The following SEMA3C variants were observed in gnomAD, a reference collection of about 807,000 sequenced individuals.
SEMA3C encodes semaphorin 3C, also known as semaphorin-3C.
Under a neutral mutation model 89.4 loss-of-function variants are expected in SEMA3C, and 47 were observed. The ratio of observed to expected loss-of-function variants is 0.53; its 90% CI spans 0.42 to 0.67. The LOEUF (loss-of-function observed/expected upper bound fraction) is 0.67. Among genes scored for constraint, SEMA3C ranks in the 30% least tolerant of loss-of-function variants. The pLI is 0.00. For missense variants in SEMA3C, 839 were observed against 929.1 expected (o/e 0.90, Z 1.26); for synonymous variants, 310 against 320.2 (o/e 0.97, Z 0.34).
chr7:80,858,225 C>T (rs1316113552), intron 2 of SEMA3C, among the ~76,000 whole-genome samples: 1 of 152,074 alleles, frequency 6.6e-6, no homozygotes, highest in Non-Finnish European at 1.5e-5. Context: ...CTCTAAACTA[C>T]TAGATCACAG....
At chr7:80,853,339 C>T (rs1369687657) in intron 2 of SEMA3C, among the ~76,000 whole-genome samples, 1 of 152,164 alleles carries the variant, frequency 6.6e-6, no homozygotes, top group Non-Finnish European at 1.5e-5. Context: ...CAGCATTATT[C>T]ACATCAGCCA....
At chr7:80,804,976 T>G (rs1789303967) in intron 7 of SEMA3C, among the ~76,000 whole-genome samples, 1 of 152,074 alleles carries the variant, frequency 6.6e-6, no homozygotes, top group Admixed American at 6.6e-5. Context: ...TTGTTTTTGT[T>G]TTTGTTTTTT....
chr7:80,885,368 G>C (rs1017238773), intron 2 of SEMA3C, among the ~76,000 whole-genome samples: 2 of 152,074 alleles, frequency 1.3e-5, no homozygotes, highest in African/African-American at 4.8e-5. Context: ...TGTAATCCTA[G>C]CACTTTGGGA....
At chr7:80,904,467 A>C (rs1339707328) in intron 2 of SEMA3C, among the ~76,000 whole-genome samples, 3 of 152,148 alleles carry the variant, frequency 2.0e-5, no homozygotes, top group Non-Finnish European at 2.9e-5. Flanking sequence ...CATTCCACAC[A>C]GAGTAAGTGA....
rs577057646 is a variant in SEMA3C at position 80,855,639 on chromosome 7, C to T, written c.104-26894G>A. ...TGTTTCAATAATGTGCCCACATTCA[C>T]GGCAGAATCAGGGCTGGCTCCCTGG... On this transcript the variant is annotated intron_variant, in intron 2 of 17. Coordinates refer to ENST00000265361, the MANE Select transcript of SEMA3C (RefSeq NM_006379.5). Among the ~76,000 whole-genome samples, 6 of 152,234 alleles carry T rather than the reference C, an allele frequency of 3.9e-5. No homozygotes were observed. In the South Asian group the frequency reaches 1.0e-3, roughly 26 times the overall value.
chr7:80,784,019 AACC>A (rs1431612069), intron 12 of SEMA3C, among the ~76,000 whole-genome samples: 4 of 152,196 alleles, frequency 2.6e-5, no homozygotes, highest in Non-Finnish European at 5.9e-5. Flanking sequence ...TTTCATCAAA[AACC>A]ACGTCATTCT....
chr7:80,851,752 C>G (rs1790518972), intron 2 of SEMA3C, among the ~76,000 whole-genome samples: 1 of 151,470 alleles, frequency 6.6e-6, no homozygotes, highest in Admixed American at 6.6e-5. Flanking sequence ...GCAGTCACAG[C>G]ACAAAATGGC....
chr7:80,889,441 A>G (rs1006342375), intron 2 of SEMA3C, among the ~76,000 whole-genome samples: 1 of 152,176 alleles, frequency 6.6e-6, no homozygotes, highest in Non-Finnish European at 1.5e-5. Context: ...TACTATCAAT[A>G]TAGAAGATGT....
At chr7:80,777,334 C>G (rs1788573913) in intron 12 of SEMA3C, among the ~76,000 whole-genome samples, 1 of 152,036 alleles carries the variant, frequency 6.6e-6, no homozygotes, top group African/African-American at 2.4e-5. Flanking sequence ...CTCTGTCACC[C>G]AAGCTAGAGT....
intron 4 of SEMA3C, among the ~76,000 whole-genome samples, chr7:80,822,357 C>T (rs953714140): frequency 7.4e-6 from 1 of 135,838 alleles, no homozygotes; most frequent in Admixed American, 7.4e-5. Context: ...CAGGCAAAAG[C>T]ATAAGGAAAG....
intron 5 of SEMA3C, among the ~76,000 whole-genome samples, chr7:80,811,098 A>AT (rs1386653385): frequency 6.6e-6 from 1 of 152,166 alleles, no homozygotes; most frequent in Admixed American, 6.5e-5. Flanking sequence ...AATAATTAAG[A>AT]TTTTTTTAAA....
At chr7:80,780,252 A>G (rs1241403650) in intron 12 of SEMA3C, among the ~76,000 whole-genome samples, 2 of 152,198 alleles carry the variant, frequency 1.3e-5, no homozygotes, top group African/African-American at 4.8e-5. Flanking sequence ...TTGGGTCAAG[A>G]GATTCTTAAA....
At chr7:80,831,799 G>T (rs556384996) in intron 2 of SEMA3C, among the ~76,000 whole-genome samples, 1 of 152,276 alleles carries the variant, frequency 6.6e-6, no homozygotes, top group East Asian at 1.9e-4. Flanking sequence ...TGTAGGTTTT[G>T]GCTAGGGGTA....
Position 80,797,310 on chromosome 7 carries a change from T to TTA in SEMA3C, c.1131+781_1131+782insTA, listed in dbSNP as rs535861708. Among the ~76,000 whole-genome samples, 31 of 152,280 alleles carry TTA rather than the reference T, an allele frequency of 2.0e-4. No individual in the cohort carries two copies. The East Asian group carries it at 5.8e-3, about 28-fold the overall frequency. On this transcript the variant is annotated intron_variant, in intron 11 of 17. Coordinates refer to ENST00000265361, the MANE Select transcript of SEMA3C (RefSeq NM_006379.5). ...CCAGATGAGAAAGAAAGAGTAGGAC[T>TTA]GTTATCAATGGACCCTTAGAAAAAT...
At chr7:80,807,169 G>A (rs1789361172) in intron 6 of SEMA3C, among the ~76,000 whole-genome samples, 1 of 151,698 alleles carries the variant, frequency 6.6e-6, no homozygotes, top group African/African-American at 2.4e-5. Flanking sequence ...TGGCAACTTT[G>A]TAAATAATTA....
At chr7:80,878,468 T>C (rs1426237962) in intron 2 of SEMA3C, among the ~76,000 whole-genome samples, 1 of 152,188 alleles carries the variant, frequency 6.6e-6, no homozygotes, top group Non-Finnish European at 1.5e-5. Context: ...GAAAGTTTTA[T>C]ATTATAAGCT....
chr7:80,817,348 TA>T (rs1169178232), intron 5 of SEMA3C, among the ~76,000 whole-genome samples: 1 of 152,216 alleles, frequency 6.6e-6, no homozygotes, highest in Non-Finnish European at 1.5e-5. Flanking sequence ...TAGACATATT[TA>T]TTTTTTTCAA....
chr7:80,830,773 G>A (rs1789991183), intron 2 of SEMA3C, among the ~76,000 whole-genome samples: 1 of 152,132 alleles, frequency 6.6e-6, no homozygotes, highest in Non-Finnish European at 1.5e-5. Flanking sequence ...CATGGACAGA[G>A]AGGTGACACA....
chr7:80,792,571 G>A (rs1275072657), intron 11 of SEMA3C, among the ~76,000 whole-genome samples: 1 of 152,052 alleles, frequency 6.6e-6, no homozygotes, highest in Non-Finnish European at 1.5e-5. Context: ...TTACTTAATG[G>A]TAAATGAAAT....
Sources: allele counts gnomAD v4.1 joint callset (sites outside exome capture counted in the v4.1 genomes callset), GRCh38; gene constraint gnomAD v4.1.1; transcripts MANE v1.5; gene names NCBI Gene and HGNC (gene_info 2026-07-23, HGNC 2026-07-21).